The following ANO10 variants were observed in gnomAD, a reference collection of about 807,000 sequenced individuals.
ANO10 encodes the protein anoctamin-10.
A neutral mutation model predicts 74.7 loss-of-function variants in ANO10; 77 were observed. That is an observed-to-expected ratio of 1.03 (90% CI 0.86 to 1.25). The LOEUF (loss-of-function observed/expected upper bound fraction) is 1.25, where lower values mean the gene tolerates loss of function less well. ANO10 is among the 50% of genes most tolerant of loss of function. The pLI, the probability that ANO10 is intolerant of heterozygous loss-of-function variation, is 0.00. For synonymous variants in ANO10, 279 were observed against 284.9 expected, an observed-to-expected ratio of 0.98 and a Z score of 0.21; for missense variants, 721 against 778.1, an observed-to-expected ratio of 0.93 and a Z score of 0.87.
At chr3:43,465,098 TAAATCCTAAGTTTTAC>T (rs1205992693) in intron 11 of ANO10, among the ~76,000 whole-genome samples, 2 of 152,106 alleles carry the variant, frequency 1.3e-5, no homozygotes, top group Admixed American at 1.3e-4. Flanking sequence ...ATGTACAGAG[TAAATCCTAAGTTTTAC>T]CCCATATAAA....
At chr3:43,562,406 C>T (rs1201445150) in intron 8 of ANO10, among the ~76,000 whole-genome samples, 4 of 143,648 alleles carry the variant, frequency 2.8e-5, no homozygotes, top group Non-Finnish European at 4.5e-5. Context: ...AAGCCAAGAT[C>T]GCGCCACTGC....
At chr3:43,441,087 A>G (rs542784899) in intron 11 of ANO10, among the ~76,000 whole-genome samples, 1 of 151,886 alleles carries the variant, frequency 6.6e-6, no homozygotes, top group Non-Finnish European at 1.5e-5. Context: ...CTTACATTAT[A>G]AAAAAAAGAA....
chr3:43,671,209 T>C (rs2084055162), intron 1 of ANO10, among the ~76,000 whole-genome samples: 1 of 152,150 alleles, frequency 6.6e-6, no homozygotes, highest in Non-Finnish European at 1.5e-5. Flanking sequence ...AAAAAGTTTA[T>C]TTGGTCCCCA....
intron 1 of ANO10, among the ~76,000 whole-genome samples, chr3:43,661,517 C>G (rs2149573145): frequency 6.6e-6 from 1 of 152,280 alleles, no homozygotes. Flanking sequence ...AAATAACCAG[C>G]TAGCATCATA....
chr3:43,667,640 T>C (rs897349799), intron 1 of ANO10, among the ~76,000 whole-genome samples: 6 of 152,302 alleles, frequency 3.9e-5, no homozygotes, highest in Middle Eastern at 3.4e-3. Context: ...ATTATTCTTA[T>C]GCCTTTGCAT....
At chr3:43,532,489 T>A (rs1025531444) in intron 11 of ANO10, among the ~76,000 whole-genome samples, 1 of 152,236 alleles carries the variant, frequency 6.6e-6, no homozygotes, top group African/African-American at 2.4e-5. Context: ...TCCAGTATAA[T>A]ACTGATTCCT....
intron 12 of ANO10, among the ~76,000 whole-genome samples, chr3:43,389,546 A>G (rs2092219946): frequency 6.6e-6 from 1 of 152,208 alleles, no homozygotes; most frequent in East Asian, 1.9e-4. Flanking sequence ...AGAGAAGTCA[A>G]ACAAACAAGC....
intron 4 of ANO10, among the ~76,000 whole-genome samples, chr3:43,580,965 T>G (rs557044797): frequency 2.7e-4 from 41 of 152,190 alleles, no homozygotes; most frequent in Non-Finnish European, 5.4e-4. Context: ...TTGTATGAAA[T>G]GCTGTAATTC....
rs142971654 is a variant in ANO10 at position 43,476,671 on chromosome 3, T to C, written c.1798-43944A>G. Among the ~76,000 whole-genome samples, 298 of 152,306 alleles carry C rather than the reference T, an allele frequency of 2.0e-3. 1 individual carries two copies. The highest frequency in any genetic ancestry group is 6.6e-3 in the African/African-American group (276 of 41,558). On this transcript the variant is annotated intron_variant, in intron 11 of 12. Coordinates refer to ENST00000292246, the MANE Select transcript of ANO10 (RefSeq NM_018075.5). The stretch of plus-strand genomic sequence containing the variant: ...TTCTTTGTAGTTTTTATCGGTTTTT[T>C]CCCTTACTTCACCATCTTCCCAAGA...
chr3:43,588,248 T>C (rs145509960), intron 4 of ANO10, among the ~76,000 whole-genome samples: 1 of 152,288 alleles, frequency 6.6e-6, no homozygotes, highest in East Asian at 1.9e-4. Flanking sequence ...GTAATTACGG[T>C]AATGTTATTA....
chr3:43,480,343 T>C (rs1353347723), intron 11 of ANO10, among the ~76,000 whole-genome samples: 1 of 152,240 alleles, frequency 6.6e-6, no homozygotes, highest in Non-Finnish European at 1.5e-5. Context: ...AACAGGTGTC[T>C]GCAAGTGTTA....
intron 8 of ANO10, among the ~76,000 whole-genome samples, chr3:43,565,173 T>C (rs1308381646): frequency 6.6e-6 from 1 of 152,246 alleles, no homozygotes. Flanking sequence ...TTATTATTCA[T>C]TGGTATTATG....
chr3:43,408,503 C>T (rs9311339), intron 12 of ANO10, among the ~76,000 whole-genome samples: 140,067 of 152,184 alleles, frequency 0.92, 64,704 homozygotes, highest in Non-Finnish European at 0.96. Flanking sequence ...CCTTTCATAC[C>T]GCCTTACATT....
intron 11 of ANO10, among the ~76,000 whole-genome samples, chr3:43,451,985 T>C (rs1430982543): frequency 2.0e-5 from 3 of 152,214 alleles, no homozygotes; most frequent in Non-Finnish European, 2.9e-5. Flanking sequence ...AGATTTGGTA[T>C]TAAATTATTT....
intron 11 of ANO10, among the ~76,000 whole-genome samples, 172 bp from the exon 12 acceptor site, chr3:43,432,899 CCACCCTGTT>C (rs1334768488): frequency 6.7e-6 from 1 of 148,614 alleles, no homozygotes; most frequent in Non-Finnish European, 1.5e-5. Flanking sequence ...CTGAGTGAGT[CCACCCTGTT>C]GTGGTACATT....
intron 11 of ANO10, among the ~76,000 whole-genome samples, chr3:43,468,779 C>T (rs1301953720): frequency 1.3e-5 from 2 of 150,400 alleles, no homozygotes; most frequent in Admixed American, 6.6e-5. Flanking sequence ...AGTGCGATCT[C>T]GGCTCACTGC....
chr3:43,447,133 A>G (rs1412850160), intron 11 of ANO10, among the ~76,000 whole-genome samples: 2 of 152,170 alleles, frequency 1.3e-5, no homozygotes. Context: ...TATTTCCAAT[A>G]TTTTTGTTAT....
chr3:43,667,930 C>T (rs2084011817), intron 1 of ANO10, among the ~76,000 whole-genome samples: 1 of 152,022 alleles, frequency 6.6e-6, no homozygotes, highest in African/African-American at 2.4e-5. Flanking sequence ...TATATAATGA[C>T]TTATTTTCCT....
At position 43,412,788 on chromosome 3, in the gene ANO10, C is replaced by T. The variant is rs192331636; in HGVS notation, c.1914+19823G>A. The stretch of plus-strand genomic sequence containing the variant: ...CGATGTGGCTGGGCACCGTGGCTCA[C>T]GCCTGTAATCCCAGCACTTTGGGAG... On this transcript the variant is annotated intron_variant, in intron 12 of 12. Transcript: ENST00000292246. Among the ~76,000 whole-genome samples the T allele has an allele frequency of 6.6e-5, 10 of 152,286 alleles. No individual in the cohort carries two copies. In the East Asian group the frequency reaches 1.7e-3, roughly 26 times the overall value.
Sources: allele counts gnomAD v4.1 joint callset (sites outside exome capture counted in the v4.1 genomes callset), GRCh38; gene constraint gnomAD v4.1.1; transcripts MANE v1.5; gene names NCBI Gene and HGNC (gene_info 2026-07-23, HGNC 2026-07-21).